PCDHA3: variants seen among roughly 807,000 people sequenced by gnomAD.
PCDHA3 encodes the protein protocadherin alpha 3.
A neutral mutation model predicts 62.2 loss-of-function variants in PCDHA3; 41 were observed. That is an observed-to-expected ratio of 0.66 (90% CI 0.51 to 0.86). PCDHA3 has a LOEUF of 0.86. Ranked by LOEUF, PCDHA3 falls within the 40% of genes least tolerant of loss-of-function variation. The pLI is 0.00. For synonymous variants in PCDHA3, 640 were observed against 555.4 expected, an observed-to-expected ratio of 1.15 and a Z score of -2.14; for missense variants, 1,304 against 1,241.2, an observed-to-expected ratio of 1.05 and a Z score of -0.76.
intron 1 of PCDHA3, chr5:140,809,346 C>A: frequency 6.2e-7 from 1 of 1,614,048 alleles, no homozygotes; most frequent in South Asian, 1.1e-5. Context: ...CTGTACACCG[C>A]GCTGCGGTGC....
chr5:140,809,413 C>T, intron 1 of PCDHA3: 2 of 1,614,222 alleles, frequency 1.2e-6, no homozygotes, highest in Non-Finnish European at 8.5e-7. Flanking sequence ...TGGTGTGCTC[C>T]AGTGCGGTGG....
At chr5:140,943,974 T>G (rs1356208474) in intron 1 of PCDHA3, among the ~76,000 whole-genome samples, 2 of 152,022 alleles carry the variant, frequency 1.3e-5, no homozygotes, top group African/African-American at 4.8e-5. Flanking sequence ...TTAAAGTAAT[T>G]AAGAAAACAG....
intron 1 of PCDHA3, chr5:140,823,218 G>T (rs2150123612): frequency 6.2e-7 from 1 of 1,613,766 alleles, no homozygotes; most frequent in Non-Finnish European, 8.5e-7. Context: ...CACGGGACGC[G>T]GACGCGCAGG....
chr5:140,849,573 A>T, intron 1 of PCDHA3: 1 of 1,598,648 alleles, frequency 6.3e-7, no homozygotes. Flanking sequence ...GGTTCCTGTA[A>T]AAGAGGACGC....
At chr5:141,003,404 C>T (rs1220823523) in intron 3 of PCDHA3, among the ~76,000 whole-genome samples, 4 of 152,138 alleles carry the variant, frequency 2.6e-5, no homozygotes, top group African/African-American at 4.8e-5. Context: ...CTCCGCCTCC[C>T]GGGTTCGAGT....
chr5:140,942,633 G>A (rs1554215141), intron 1 of PCDHA3, among the ~76,000 whole-genome samples: 1 of 151,496 alleles, frequency 6.6e-6, no homozygotes, highest in Admixed American at 6.6e-5. Context: ...AAAAAAAATG[G>A]CAAAAGAGAT....
chr5:140,907,163 T>C (rs1019409387), intron 1 of PCDHA3, among the ~76,000 whole-genome samples: 1 of 152,162 alleles, frequency 6.6e-6, no homozygotes, highest in Non-Finnish European at 1.5e-5. Context: ...TACCATATAT[T>C]GGATGCTGAT....
chr5:140,996,737 T>G (rs887382236), intron 3 of PCDHA3, among the ~76,000 whole-genome samples: 3 of 152,166 alleles, frequency 2.0e-5, no homozygotes, highest in Non-Finnish European at 2.9e-5. Context: ...ACAAAAGTCA[T>G]AACAAATTAT....
chr5:140,877,371 G>C, intron 1 of PCDHA3: 2 of 1,613,994 alleles, frequency 1.2e-6, no homozygotes, highest in Non-Finnish European at 8.5e-7. Context: ...AGATCAGCAC[G>C]ACACGCATCC....
intron 1 of PCDHA3, chr5:140,853,382 A>C: frequency 1.0e-6 from 1 of 985,900 alleles, no homozygotes; most frequent in Non-Finnish European, 1.2e-6. Context: ...TAAAATTCAA[A>C]ACAGCCTGTC....
At chr5:140,857,102 A>G in intron 1 of PCDHA3, 1 of 1,597,722 alleles carries the variant, frequency 6.3e-7, no homozygotes, top group Non-Finnish European at 8.6e-7. Context: ...GGTGATTGTC[A>G]CTTCTCTGTC....
chr5:140,876,807 G>A (rs782408048), intron 1 of PCDHA3: 1 of 1,614,234 alleles, frequency 6.2e-7, no homozygotes, highest in South Asian at 1.1e-5. Context: ...CCGTGGAGGT[G>A]GCCGACGTGA....
intron 1 of PCDHA3, chr5:140,805,489 A>C: frequency 1.0e-6 from 1 of 993,092 alleles, no homozygotes; most frequent in Non-Finnish European, 1.2e-6. Context: ...GGGAGCGTAA[A>C]GCTATTTTCA....
chr5:141,006,689 G>A (rs1249412460), intron 3 of PCDHA3, among the ~76,000 whole-genome samples: 2 of 152,072 alleles, frequency 1.3e-5, no homozygotes, highest in Non-Finnish European at 2.9e-5. Context: ...TGGGAGAAGA[G>A]GACAGAGTCA....
intron 1 of PCDHA3, chr5:140,804,356 T>A (rs1763382158): frequency 6.6e-6 from 1 of 152,066 alleles, no homozygotes; most frequent in Non-Finnish European, 1.5e-5. Context: ...TTAAAATTTA[T>A]TACTAATAAC....
intron 1 of PCDHA3, chr5:140,807,141 A>C: frequency 6.4e-7 from 1 of 1,570,926 alleles, no homozygotes; most frequent in Non-Finnish European, 8.6e-7. Context: ...ATTTCCCTTG[A>C]CTTTGAGAAA....
At chr5:140,975,560 A>T (rs1302523568) in intron 1 of PCDHA3, among the ~76,000 whole-genome samples, 1 of 152,238 alleles carries the variant, frequency 6.6e-6, no homozygotes, top group Non-Finnish European at 1.5e-5. Flanking sequence ...AAGGAAAAGG[A>T]GATATTATAT....
At position 140,849,758 on chromosome 5, in the gene PCDHA3, C is replaced by G. The variant is rs150560525; in HGVS notation, c.2394+46167C>G. ...TGGACCGCGAGAGTGTGTCCGCCTA[C>G]GAGCTGGTGGTTACCGCGCGGGACG... On this transcript the variant is annotated intron_variant, in intron 1 of 3. Transcript: ENST00000522353. 7 of 1,598,378 alleles carry G rather than the reference C, an allele frequency of 4.4e-6. No homozygotes were observed. In the African/African-American group the frequency reaches 5.4e-5, roughly 12 times the overall value.
intron 1 of PCDHA3, among the ~76,000 whole-genome samples, chr5:140,943,307 T>C (rs1554215574): frequency 6.7e-6 from 1 of 149,570 alleles, no homozygotes; most frequent in Non-Finnish European, 1.5e-5. Flanking sequence ...TGGGAAGTCA[T>C]TATTAGCAAT....
Sources: gnomAD v4.1 joint callset for allele counts (sites outside exome capture counted in the v4.1 genomes callset) on GRCh38, gnomAD v4.1.1 for gene constraint, MANE v1.5 for transcripts, NCBI Gene and HGNC (gene_info 2026-07-23, HGNC 2026-07-21) for gene names.